The following PRKN variants were observed in gnomAD, a reference collection of about 807,000 sequenced individuals.
PRKN encodes parkin RBR E3 ubiquitin protein ligase.
In PRKN, 56 loss-of-function variants were observed where a neutral mutation model predicts 59.5. The ratio of observed to expected loss-of-function variants is 0.94; its 90% CI spans 0.76 to 1.18. The LOEUF is 1.18. Among genes scored for constraint, PRKN ranks in the 50% most tolerant of loss-of-function variants. The probability of loss-of-function intolerance (pLI) is 0.00; values close to 1 mark genes in which losing one functional copy is unlikely to be tolerated. For synonymous variants in PRKN, 250 were observed against 222.1 expected (o/e 1.13, Z -1.12); for missense variants, 657 against 596.4 (o/e 1.10, Z -1.06).
At chr6:162,239,804 C>T (rs913963982) in intron 3 of PRKN, among the ~76,000 whole-genome samples, 3 of 151,274 alleles carry the variant, frequency 2.0e-5, no homozygotes, top group Admixed American at 1.3e-4. Context: ...CCAGTGGGCT[C>T]GACTATTTTT....
At chr6:161,491,061 T>A (rs1043676590) in intron 9 of PRKN, among the ~76,000 whole-genome samples, 1 of 152,322 alleles carries the variant, frequency 6.6e-6, no homozygotes, top group African/African-American at 2.4e-5. Context: ...ATCTTTTCTT[T>A]ATAAATCACC....
intron 5 of PRKN, among the ~76,000 whole-genome samples, chr6:161,981,040 G>A (rs145289448): frequency 3.9e-4 from 60 of 152,268 alleles, no homozygotes; most frequent in African/African-American, 1.3e-3. Flanking sequence ...CAAATTTTCC[G>A]ATGATATTAA....
chr6:162,194,691 T>C (rs1346206446), intron 4 of PRKN, among the ~76,000 whole-genome samples: 2 of 152,166 alleles, frequency 1.3e-5, no homozygotes, highest in Non-Finnish European at 2.9e-5. Context: ...GGTAATCCTT[T>C]TTTATATGTT....
Position 161,440,995 on chromosome 6 carries a change from G to T in PRKN, c.1084-54118C>A, listed in dbSNP as rs1195193698. ...GCAAAATCTCATTGGTAAAGAGAGAGAGGATTTTCCTAACAAAAATGTTCT... is the reference window on the plus strand; with the variant it reads ...GCAAAATCTCATTGGTAAAGAGAGATAGGATTTTCCTAACAAAAATGTTCT... On this transcript the variant is annotated intron_variant, in intron 9 of 11. Coordinates refer to ENST00000366898, the MANE Select transcript of PRKN (RefSeq NM_004562.3). The surrounding 1 kb of genome is among the most constrained non-coding windows in gnomAD (Gnocchi z 4.1). Among the ~76,000 whole-genome samples, 2 of 152,220 alleles carry T rather than the reference G, an allele frequency of 1.3e-5. No homozygotes were observed. The highest frequency in any genetic ancestry group is 2.9e-5 in the Non-Finnish European group (2 of 68,042).
rs571092914 is a variant in PRKN, at chr6:161,360,181, C to T, written c.1192G>A (p.Ala398Thr). 9.9e-6 allele frequency: 16 copies of T among 1,614,062 alleles called. No individual in the cohort carries two copies. The highest frequency in any genetic ancestry group is 6.7e-5 in the African/African-American group (5 of 75,062). Residue 398 changes from alanine to threonine, a missense_variant, in exon 11 of 12, where the codon GCC (alanine) becomes ACC (threonine). By Grantham distance (58) the Ala-to-Thr change is moderately conservative. Coordinates refer to ENST00000366898, the MANE Select transcript of PRKN (RefSeq NM_004562.3). This position sits in a 1 kb window ranked among gnomAD's most constrained non-coding sequence, Gnocchi z 5.1. The part of the protein sequence containing the change: ...TQAYRVDERA[A>T]EQARWEAASK... ...GCTGCTTCCCAACGAGCCTGCTCGG[C>T]GGCTCTTTCATCGACTCTGTAGGCC...
chr6:162,606,085 C>A (rs1176235751), intron 1 of PRKN, among the ~76,000 whole-genome samples: 5 of 152,070 alleles, frequency 3.3e-5, no homozygotes, highest in African/African-American at 1.2e-4. Context: ...AATGTGCCTA[C>A]AATGAACAGA....
chr6:162,283,663 G>C (rs1781030877), intron 2 of PRKN, among the ~76,000 whole-genome samples: 1 of 152,168 alleles, frequency 6.6e-6, no homozygotes, highest in East Asian at 1.9e-4. Context: ...TGGGATTGCA[G>C]GTATGCGCTA....
At chr6:161,681,440 A>G (rs563534311) in intron 7 of PRKN, among the ~76,000 whole-genome samples, 42 of 151,856 alleles carry the variant, frequency 2.8e-4, no homozygotes, top group African/African-American at 9.9e-4. Flanking sequence ...CTTTTTAAAG[A>G]GTCCAAGTAA....
At chr6:162,292,753 G>C (rs572399347) in intron 2 of PRKN, among the ~76,000 whole-genome samples, 1 of 152,130 alleles carries the variant, frequency 6.6e-6, no homozygotes, top group Non-Finnish European at 1.5e-5. Context: ...CAGTTCTTTC[G>C]GTAGTGATGG....
intron 6 of PRKN, among the ~76,000 whole-genome samples, chr6:161,972,309 G>A (rs1462093301): frequency 6.6e-6 from 1 of 150,894 alleles, no homozygotes; most frequent in Non-Finnish European, 1.5e-5. Context: ...TTCCTGATAT[G>A]AGGGCTAAGT....
chr6:162,687,120 G>A (rs1291018453), intron 1 of PRKN, among the ~76,000 whole-genome samples: 1 of 151,670 alleles, frequency 6.6e-6, no homozygotes, highest in African/African-American at 2.4e-5. Flanking sequence ...CACTGCTTTC[G>A]GCAGGATGGT....
intron 1 of PRKN, among the ~76,000 whole-genome samples, chr6:162,493,885 C>T (rs1288501187): frequency 6.6e-6 from 1 of 152,134 alleles, no homozygotes; most frequent in Non-Finnish European, 1.5e-5. Context: ...AAACCAGCCT[C>T]CTAGGCTTTG....
At chr6:162,636,018 T>A (rs1287079388) in intron 1 of PRKN, among the ~76,000 whole-genome samples, 1 of 152,138 alleles carries the variant, frequency 6.6e-6, no homozygotes, top group Non-Finnish European at 1.5e-5. Context: ...GTTAAGGAAT[T>A]CTGTAAAAAT....
chr6:162,378,739 A>C (rs1355816713), intron 2 of PRKN, among the ~76,000 whole-genome samples: 1 of 152,240 alleles, frequency 6.6e-6, no homozygotes, highest in Non-Finnish European at 1.5e-5. Context: ...AGGTCTGCTT[A>C]GTTGCTTACC....
chr6:162,373,348 G>C (rs1185881145), intron 2 of PRKN, among the ~76,000 whole-genome samples: 4 of 152,078 alleles, frequency 2.6e-5, no homozygotes, highest in African/African-American at 9.7e-5. Flanking sequence ...TGTGTTTGTT[G>C]AGTTAATAAA....
intron 3 of PRKN, among the ~76,000 whole-genome samples, chr6:162,203,470 T>G (rs1784817226): frequency 1.3e-5 from 2 of 152,166 alleles, no homozygotes; most frequent in Admixed American, 6.5e-5. Flanking sequence ...AGGTAAATCT[T>G]GAGAGCCCCT....
At chr6:161,873,932 AAT>A (rs1198471502) in intron 6 of PRKN, among the ~76,000 whole-genome samples, 2 of 121,592 alleles carry the variant, frequency 1.6e-5, no homozygotes, top group Non-Finnish European at 3.1e-5. Context: ...TAAAATATAT[AAT>A]ATATATAAAA....
intron 7 of PRKN, among the ~76,000 whole-genome samples, chr6:161,609,805 G>A (rs897565289): frequency 5.3e-5 from 8 of 152,156 alleles, no homozygotes; most frequent in Middle Eastern, 3.2e-3. Context: ...CAGTGCCTGG[G>A]GGCTGGACTA....
intron 6 of PRKN, among the ~76,000 whole-genome samples, chr6:161,834,763 C>G (rs9458395): frequency 1.1e-4 from 17 of 152,338 alleles, no homozygotes; most frequent in African/African-American, 3.4e-4. Context: ...ATGCTACACA[C>G]GCCCTGGCTC....
Sources: gnomAD v4.1 joint callset for allele counts (sites outside exome capture counted in the v4.1 genomes callset) on GRCh38, gnomAD v4.1.1 for gene constraint, Gnocchi (gnomAD v3.1) non-coding constraint, MANE v1.5 for transcripts, NCBI Gene and HGNC (gene_info 2026-07-23, HGNC 2026-07-21) for gene names.